The following NKAIN3 variants were observed in gnomAD, a reference collection of about 807,000 sequenced individuals.
NKAIN3 encodes sodium/potassium-transporting ATPase subunit beta-1-interacting protein 3.
NKAIN3 carries 25 observed loss-of-function variants against 30.2 expected under a neutral mutation model. That is an observed-to-expected ratio of 0.83 (90% CI 0.60 to 1.16). NKAIN3 has a LOEUF of 1.16. Ranked by LOEUF, NKAIN3 falls within the 50% of genes most tolerant of loss-of-function variation. The pLI, the probability that NKAIN3 is intolerant of heterozygous loss-of-function variation, is 0.00. For synonymous variants in NKAIN3, 91 were observed against 89.6 expected (o/e 1.02, Z -0.09); for missense variants, 225 against 254.1 (o/e 0.89, Z 0.78).
intron 1 of NKAIN3, among the ~76,000 whole-genome samples, chr8:62,571,976 C>T (rs1470818214): frequency 6.6e-6 from 1 of 152,116 alleles, no homozygotes; most frequent in East Asian, 1.9e-4. Context: ...AGACATTTTC[C>T]CCATTGTCTT....
At chr8:62,963,182 T>C (rs1042501619) in intron 6 of NKAIN3, among the ~76,000 whole-genome samples, 3 of 152,214 alleles carry the variant, frequency 2.0e-5, no homozygotes, top group African/African-American at 7.2e-5. Context: ...CGTGAGCCAC[T>C]GTGCCCAACC....
At chr8:62,870,206 T>TTG (rs1451027182) in intron 4 of NKAIN3, among the ~76,000 whole-genome samples, 1 of 25,972 alleles carries the variant, frequency 3.9e-5, no homozygotes, top group African/African-American at 1.8e-4. Flanking sequence ...AAACTCTATT[T>TTG]TGTATATATA....
chr8:62,639,147 G>A (rs768693082), intron 3 of NKAIN3, among the ~76,000 whole-genome samples: 1 of 152,172 alleles, frequency 6.6e-6, no homozygotes, highest in Non-Finnish European at 1.5e-5. Context: ...CAGGAAAGCA[G>A]ACAGAGAATA....
At chr8:62,340,318 A>G (rs1327398000) in intron 1 of NKAIN3, among the ~76,000 whole-genome samples, 1 of 151,904 alleles carries the variant, frequency 6.6e-6, no homozygotes, top group Non-Finnish European at 1.5e-5. Context: ...GGGGCAGGTC[A>G]CCTATCAAAT....
Position 62,978,453 on chromosome 8 carries a change from G to A in NKAIN3, c.*13046G>A, listed in dbSNP as rs1337453008. On this transcript the variant is annotated 3_prime_UTR_variant, in exon 7 of 7. Transcript: ENST00000623646. ...CTAGAGAGGCAGTCTGGCTTCAGTG[G>A]CTTTGCAGCGCTGCAGTGGGCTCCA... The A allele has an allele frequency of 6.6e-6, 1 of 152,338 alleles. No homozygotes were observed. 9.4% of individuals were successfully genotyped at this position (152,338 alleles called of 1,614,324 possible).
At chr8:62,595,903 G>A (rs1002719658) in intron 3 of NKAIN3, among the ~76,000 whole-genome samples, 2 of 151,962 alleles carry the variant, frequency 1.3e-5, no homozygotes, top group Non-Finnish European at 1.5e-5. Flanking sequence ...TTTGAAGAAC[G>A]ATTTGTAGTT....
chr8:62,648,927 G>A (rs1367025018), intron 3 of NKAIN3, among the ~76,000 whole-genome samples: 1 of 152,104 alleles, frequency 6.6e-6, no homozygotes, highest in East Asian at 1.9e-4. Flanking sequence ...ATGGAGCAAT[G>A]GCATCCGGAG....
At chr8:62,942,380 T>C (rs1247399114) in intron 5 of NKAIN3, among the ~76,000 whole-genome samples, 5 of 151,022 alleles carry the variant, frequency 3.3e-5, no homozygotes, top group African/African-American at 2.4e-5. Flanking sequence ...AAAGAAATTA[T>C]AGATGGCACA....
chr8:62,265,044 C>T (rs1040820463), intron 1 of NKAIN3, among the ~76,000 whole-genome samples: 4 of 152,148 alleles, frequency 2.6e-5, no homozygotes, highest in Non-Finnish European at 5.9e-5. Flanking sequence ...CAGAAGCATA[C>T]AGCTCATGGC....
rs768309740 is a variant in NKAIN3, at chr8:62,579,517, GA to G, written c.55-20del. On this transcript the variant is annotated intron_variant, in intron 1 of 6. Coordinates refer to ENST00000623646, the MANE Select transcript of NKAIN3 (RefSeq NM_001304533.3). ...GATGATGCTTGGATTCAATGCTAAT[GA>G]ACTTTCTTTTTTTGTTGTAGGTCTC... is the stretch of plus-strand genomic sequence containing the variant. The G allele has an allele frequency of 1.2e-5, 19 of 1,589,614 alleles. No individual in the cohort carries two copies. The South Asian group carries it at 1.7e-4, about 14-fold the overall frequency.
At chr8:62,805,868 C>T (rs1269368559) in intron 4 of NKAIN3, among the ~76,000 whole-genome samples, 2 of 152,096 alleles carry the variant, frequency 1.3e-5, no homozygotes. Flanking sequence ...TACAGGCAAC[C>T]TACAAAATGG....
At chr8:62,801,234 T>A (rs1818052405) in intron 4 of NKAIN3, among the ~76,000 whole-genome samples, 1 of 152,216 alleles carries the variant, frequency 6.6e-6, no homozygotes, top group Admixed American at 6.5e-5. Context: ...CAGACTTACA[T>A]GTCCCTGTCT....
At chr8:62,320,520 C>A in intron 1 of NKAIN3, among the ~76,000 whole-genome samples, 1 of 152,062 alleles carries the variant, frequency 6.6e-6, no homozygotes, top group Admixed American at 6.5e-5. Context: ...TCTTTTAGGG[C>A]AGGCCTGGTG....
chr8:62,789,912 A>G (rs1817647339), intron 4 of NKAIN3, among the ~76,000 whole-genome samples: 1 of 152,188 alleles, frequency 6.6e-6, no homozygotes, highest in African/African-American at 2.4e-5. Context: ...ATTTCTTCTG[A>G]AACTATTCCA....
At chr8:62,588,355 T>C (rs183429935) in intron 2 of NKAIN3, among the ~76,000 whole-genome samples, 8 of 151,826 alleles carry the variant, frequency 5.3e-5, no homozygotes, top group African/African-American at 1.9e-4. Flanking sequence ...TTTTAACATG[T>C]TTTCCAACTA....
intron 1 of NKAIN3, among the ~76,000 whole-genome samples, chr8:62,558,525 T>C (rs1809476257): frequency 6.6e-6 from 1 of 152,116 alleles, no homozygotes. Flanking sequence ...CAATATTGAG[T>C]CTACCCATCC....
intron 4 of NKAIN3, among the ~76,000 whole-genome samples, chr8:62,766,309 A>G (rs1816837521): frequency 6.6e-6 from 1 of 152,214 alleles, no homozygotes; most frequent in South Asian, 2.1e-4. Context: ...TTTCACAAAT[A>G]AGAAAACTAA....
At chr8:62,904,826 T>C (rs1353845920) in intron 4 of NKAIN3, among the ~76,000 whole-genome samples, 1 of 152,240 alleles carries the variant, frequency 6.6e-6, no homozygotes, top group Non-Finnish European at 1.5e-5. Flanking sequence ...AAGAGCTTCA[T>C]AGTAGAGACA....
chr8:62,326,930 A>C (rs1815161021), intron 1 of NKAIN3, among the ~76,000 whole-genome samples: 1 of 152,052 alleles, frequency 6.6e-6, no homozygotes, highest in African/African-American at 2.4e-5. Flanking sequence ...GACAGGGAAT[A>C]AAGATGCTAA....
Sources: gnomAD v4.1 joint callset for allele counts (sites outside exome capture counted in the v4.1 genomes callset) on GRCh38, gnomAD v4.1.1 for gene constraint, MANE v1.5 for transcripts, NCBI Gene and HGNC (gene_info 2026-07-23, HGNC 2026-07-21) for gene names.